The following ROBO1 variants were observed in gnomAD, a reference collection of about 807,000 sequenced individuals.
The protein encoded by ROBO1 is roundabout homolog 1.
ROBO1 carries 149 observed loss-of-function variants against 195.9 expected under a neutral mutation model. The ratio of observed to expected loss-of-function variants is 0.76; its 90% CI spans 0.67 to 0.87. ROBO1 has a LOEUF of 0.87. ROBO1 is among the 40% of genes least tolerant of loss of function. ROBO1 has a pLI of 0.00. For synonymous variants in ROBO1, 816 were observed against 733.2 expected (o/e 1.11, Z -1.82); for missense variants, 1,933 against 2,068.3 (o/e 0.93, Z 1.27).
Position 79,081,162 on chromosome 3 carries a change from A to AG in ROBO1, c.172+44293_172+44294insC, listed in dbSNP as rs1171394667. On this transcript the variant is annotated intron_variant, in intron 3 of 30. Coordinates refer to ENST00000464233, the MANE Select transcript of ROBO1 (RefSeq NM_002941.4). ...CTGTAATAGAGCTTTTAAATGACAC[A>AG]TTTTTTTCCGATAGGATTTTTTTTT... 7.9e-5 allele frequency among the ~76,000 whole-genome samples: 12 copies of AG among 151,242 alleles called. No individual in the cohort carries two copies. The East Asian group carries it at 2.0e-3, about 25-fold the overall frequency.
At chr3:79,153,949 T>C (rs2108645288) in intron 2 of ROBO1, among the ~76,000 whole-genome samples, 1 of 151,724 alleles carries the variant, frequency 6.6e-6, no homozygotes, top group Non-Finnish European at 1.5e-5. Context: ...TAACCAAGTA[T>C]CTGCTCCTTA....
intron 4 of ROBO1, among the ~76,000 whole-genome samples, chr3:78,880,035 G>C (rs536616617): frequency 1.3e-5 from 2 of 152,176 alleles, no homozygotes; most frequent in African/African-American, 4.8e-5. Flanking sequence ...ATGTAAAATA[G>C]AACCTGTAAT....
chr3:79,158,184 C>A (rs1447448744), intron 2 of ROBO1, among the ~76,000 whole-genome samples: 2 of 151,636 alleles, frequency 1.3e-5, no homozygotes, highest in African/African-American at 2.4e-5. Context: ...CTCACTGATG[C>A]AATTTTCTTG....
chr3:78,728,300 C>T (rs546311133), intron 5 of ROBO1, among the ~76,000 whole-genome samples: 3 of 152,080 alleles, frequency 2.0e-5, no homozygotes, highest in African/African-American at 4.8e-5. Context: ...TCATGCTGTG[C>T]GTTCACAGGC....
chr3:79,394,805 T>C (rs1003490416), intron 2 of ROBO1, among the ~76,000 whole-genome samples: 1 of 152,148 alleles, frequency 6.6e-6, no homozygotes, highest in South Asian at 2.1e-4. Context: ...CAAAATAAAA[T>C]GTTTTAAAAT....
rs183063637 is a variant in ROBO1 at position 79,370,218 on chromosome 3, G to A, written c.88+219606C>T. On this transcript the variant is annotated intron_variant, in intron 2 of 30. Coordinates refer to ENST00000464233, the MANE Select transcript of ROBO1 (RefSeq NM_002941.4). ...AAAAATTGGAAAAAAAAAAAAGCCAGGAGTGGGCATGTGCCTGTAGTCCTA... is the reference window on the plus strand; with the variant it reads ...AAAAATTGGAAAAAAAAAAAAGCCAAGAGTGGGCATGTGCCTGTAGTCCTA... Among the ~76,000 whole-genome samples, 333 of 151,510 alleles carry A rather than the reference G, an allele frequency of 2.2e-3. 1 individual carries two copies. The highest frequency in any genetic ancestry group is 7.5e-3 in the African/African-American group (311 of 41,318).
intron 4 of ROBO1, among the ~76,000 whole-genome samples, chr3:78,748,739 A>T (rs1338911996): frequency 6.6e-6 from 1 of 152,138 alleles, no homozygotes; most frequent in Non-Finnish European, 1.5e-5. Context: ...TCCATGAAAA[A>T]AATCCCCATT....
intron 2 of ROBO1, among the ~76,000 whole-genome samples, chr3:79,225,079 A>G (rs956018523): frequency 2.6e-5 from 4 of 152,192 alleles, no homozygotes; most frequent in Non-Finnish European, 5.9e-5. Context: ...AGAACATTCC[A>G]GAGAGAAGGA....
At chr3:79,456,098 G>C (rs534473264) in intron 2 of ROBO1, among the ~76,000 whole-genome samples, 1 of 152,188 alleles carries the variant, frequency 6.6e-6, no homozygotes, top group South Asian at 2.1e-4. Context: ...CTGACCATAC[G>C]TGTTAGTTTG....
intron 5 of ROBO1, among the ~76,000 whole-genome samples, chr3:78,738,525 A>AT (rs2082447015): frequency 6.6e-6 from 1 of 152,148 alleles, no homozygotes; most frequent in Admixed American, 6.5e-5. Context: ...TATTTTAGCT[A>AT]TTTTTTACTT....
At chr3:79,286,053 T>C (rs1337132614) in intron 2 of ROBO1, among the ~76,000 whole-genome samples, 1 of 152,216 alleles carries the variant, frequency 6.6e-6, no homozygotes, top group Non-Finnish European at 1.5e-5. Context: ...TCATTAATAC[T>C]GTAGCATAAA....
At chr3:78,937,537 C>A (rs1381635353) in intron 4 of ROBO1, among the ~76,000 whole-genome samples, 1 of 151,978 alleles carries the variant, frequency 6.6e-6, no homozygotes, top group African/African-American at 2.4e-5. Flanking sequence ...ACAGCAGGAT[C>A]CTTTCAAGGG....
At chr3:78,618,093 A>C (rs559084991) in intron 26 of ROBO1, 52 bp from the exon 27 acceptor site, 1 of 1,520,910 alleles carries the variant, frequency 6.6e-7, no homozygotes, top group South Asian at 1.3e-5. Context: ...TTAAGACATA[A>C]AAGGACAAAT....
At chr3:79,280,947 G>A (rs900950279) in intron 2 of ROBO1, among the ~76,000 whole-genome samples, 1 of 152,150 alleles carries the variant, frequency 6.6e-6, no homozygotes, top group African/African-American at 2.4e-5. Context: ...TAACAGTTTA[G>A]GGGCCAGTAC....
chr3:79,044,770 G>A (rs926943965), intron 3 of ROBO1, among the ~76,000 whole-genome samples: 2 of 151,992 alleles, frequency 1.3e-5, no homozygotes, highest in African/African-American at 4.8e-5. Flanking sequence ...TAAAGAGACA[G>A]CTTTTTGACA....
intron 1 of ROBO1, among the ~76,000 whole-genome samples, chr3:79,764,270 C>T (rs1467471144): frequency 2.6e-5 from 4 of 152,146 alleles, no homozygotes; most frequent in African/African-American, 9.7e-5. Flanking sequence ...AGAATTGGCA[C>T]TAATATATTT....
intron 3 of ROBO1, among the ~76,000 whole-genome samples, chr3:79,109,283 T>G (rs1307801232): frequency 6.6e-6 from 1 of 151,978 alleles, no homozygotes; most frequent in Non-Finnish European, 1.5e-5. Context: ...CAGTATGCTG[T>G]ATTATATAAT....
At chr3:78,672,045 G>A (rs1187989333) in intron 10 of ROBO1, among the ~76,000 whole-genome samples, 1 of 152,050 alleles carries the variant, frequency 6.6e-6, no homozygotes. Flanking sequence ...ATGTCTTTGG[G>A]CAAGTTCCTT....
intron 2 of ROBO1, among the ~76,000 whole-genome samples, chr3:79,518,010 A>G (rs935299959): frequency 6.6e-6 from 1 of 152,198 alleles, no homozygotes; most frequent in Non-Finnish European, 1.5e-5. Flanking sequence ...ATCTGGTGGT[A>G]AGAGAGCGGA....
Sources: allele counts gnomAD v4.1 joint callset (sites outside exome capture counted in the v4.1 genomes callset), GRCh38; gene constraint gnomAD v4.1.1; transcripts MANE v1.5; gene names NCBI Gene and HGNC (gene_info 2026-07-23, HGNC 2026-07-21).